ARSF: variants seen among roughly 807,000 people sequenced by gnomAD.
ARSF encodes the protein arylsulfatase F.
Under a neutral mutation model 35.4 loss-of-function variants are expected in ARSF, and 33 were observed. The observed-to-expected ratio is 0.93, with a 90% CI of 0.71 to 1.25. The LOEUF is 1.25. Ranked by LOEUF, ARSF falls within the 50% of genes most tolerant of loss-of-function variation. The pLI is 0.00. For missense variants in ARSF, 501 were observed against 480.2 expected, an observed-to-expected ratio of 1.04 and a Z score of -0.40; for synonymous variants, 222 against 193.1, an observed-to-expected ratio of 1.15 and a Z score of -1.24.
intron 7 of ARSF, among the ~76,000 whole-genome samples, chrX:3,098,252 A>G (rs891376509): frequency 4.5e-5 from 5 of 110,900 alleles, no homozygotes. Context: ...GGTGTGAGCC[A>G]TGATGCCCAG....
intron 1 of ARSF, among the ~76,000 whole-genome samples, chrX:3,061,050 G>A (rs990724541): frequency 3.6e-5 from 4 of 111,727 alleles, no homozygotes; most frequent in African/African-American, 1.3e-4. Flanking sequence ...GGCAGCCAGA[G>A]AGAAAGGTCG....
At chrX:3,096,818 C>T (rs1004406325) in intron 7 of ARSF, among the ~76,000 whole-genome samples, 3 of 84,256 alleles carry the variant, frequency 3.6e-5, no homozygotes, top group African/African-American at 1.3e-4. Flanking sequence ...GACTTACATC[C>T]CCCCAAAAAG....
At chrX:3,057,985 A>G (rs2090025765) in intron 1 of ARSF, among the ~76,000 whole-genome samples, 1 of 111,622 alleles carries the variant, frequency 9.0e-6, no homozygotes, top group African/African-American at 3.3e-5. Flanking sequence ...GCAAATCATG[A>G]CCTGTAATAG....
intron 3 of ARSF, among the ~76,000 whole-genome samples, chrX:3,073,838 C>T (rs1246742592): frequency 9.5e-6 from 1 of 105,236 alleles, no homozygotes; most frequent in Non-Finnish European, 2.0e-5. Flanking sequence ...ATTTGGTGAG[C>T]CAATAGATTC....
chrX:3,080,806 T>C, intron 4 of ARSF, 85 bp from the exon 5 acceptor site: 1 of 1,119,548 alleles, frequency 8.9e-7, no homozygotes, highest in East Asian at 3.1e-5. Flanking sequence ...CAGATGAGGA[T>C]TTCAATGTGC....
Position 3,110,224 on chromosome X carries a change from C to A in ARSF, c.1362C>A (p.His454Gln). The change falls in exon 10 of 11, where the codon CAC (histidine) becomes CAA (glutamine). Residue 454 changes from histidine (H) to glutamine (Q), a missense_variant. Coordinates refer to ENST00000381127, the MANE Select transcript of ARSF (RefSeq NM_001201539.2). ...TCCACTACTGTGGCTCCTACCTGCA[C>A]GCCGTGCGGTGGATCCCCAAGGACG... The part of the protein sequence containing the change: ...FLFHYCGSYL[H>Q]AVRWIPKDDS... 15 of 1,194,270 alleles carry A rather than the reference C, an allele frequency of 1.3e-5. No individual in the cohort carries two copies. Among genetic ancestry groups the A allele is most frequent in the Non-Finnish European group, 1.7e-5 (15 of 886,140 alleles).
intron 8 of ARSF, among the ~76,000 whole-genome samples, chrX:3,102,690 G>A (rs770026697): frequency 8.9e-6 from 1 of 111,853 alleles, no homozygotes; most frequent in East Asian, 2.8e-4. Flanking sequence ...TGAGGCAGGC[G>A]GATCACAAGG....
At chrX:3,078,098 C>T (rs2090167678) in intron 4 of ARSF, among the ~76,000 whole-genome samples, 1 of 109,977 alleles carries the variant, frequency 9.1e-6, no homozygotes, top group South Asian at 4.0e-4. Flanking sequence ...GCCACCGCAC[C>T]CGGCCATATA....
At chrX:3,084,763 T>G in intron 6 of ARSF, 97 bp downstream of exon 6, 1 of 837,559 alleles carries the variant, frequency 1.2e-6, no homozygotes, top group South Asian at 3.2e-5. Context: ...TTTATAATAA[T>G]CTATTGTACA....
intron 1 of ARSF, among the ~76,000 whole-genome samples, chrX:3,060,993 A>G (rs987910556): frequency 1.8e-5 from 2 of 111,197 alleles, no homozygotes; most frequent in African/African-American, 6.5e-5. Context: ...GAGAAGACAC[A>G]TAATTGTCAG....
At chrX:3,099,962 A>G (rs1307927278) in intron 7 of ARSF, among the ~76,000 whole-genome samples, 1 of 112,219 alleles carries the variant, frequency 8.9e-6, no homozygotes, top group Non-Finnish European at 1.9e-5. Flanking sequence ...TATCTGAGAT[A>G]ACCAACAGTA....
chrX:3,106,292 C>T lies in ARSF; in HGVS notation c.1265+2368C>T, dbSNP rs1042367406. ...CAGCTTCACGTACAGGTCGGCGTGC[C>T]GGGTACTACTCATCAGGTTGATTTT... On this transcript the variant is annotated intron_variant, in intron 9 of 10. Coordinates refer to ENST00000381127, the MANE Select transcript of ARSF (RefSeq NM_001201539.2). Among the ~76,000 whole-genome samples, 3 of 111,963 alleles carry T rather than the reference C, an allele frequency of 2.7e-5. 1 individual carries two copies. The highest frequency in any genetic ancestry group is 3.8e-5 in the Non-Finnish European group (2 of 53,198).
chrX:3,084,108 A>G (rs2090225954), intron 5 of ARSF, 135 bp from the exon 6 acceptor site: 2 of 780,119 alleles, frequency 2.6e-6, no homozygotes, highest in Non-Finnish European at 3.6e-6. Context: ...TTTTAGAGGA[A>G]GGAGAATATC....
intron 9 of ARSF, among the ~76,000 whole-genome samples, chrX:3,109,085 C>T (rs1010408865): frequency 1.8e-5 from 2 of 111,381 alleles, no homozygotes; most frequent in African/African-American, 3.3e-5. Context: ...TTTGAGAGGC[C>T]GAGGTGGGTG....
chrX:3,109,048 G>A (rs774406232), intron 9 of ARSF, among the ~76,000 whole-genome samples: 16 of 111,328 alleles, frequency 1.4e-4, no homozygotes, highest in African/African-American at 4.6e-4. Context: ...GGCTGGGCGC[G>A]GTGGCTCACG....
In ARSF at chrX:3,080,941, G is replaced by A. The variant is rs779174946; in HGVS notation, c.334G>A (p.Ala112Thr). ...RRVIQNLAVP[A>T]GLPLNETTLA... ...TGTCATCCAAAATCTTGCAGTCCCC[G>A]CAGGCCTCCCTCTTAATGAGACAAC... The change falls in exon 5 of 11, where the codon GCA (alanine) becomes ACA (threonine). Residue 112 changes from alanine (A) to threonine (T), a missense_variant. Transcript: ENST00000381127. The A allele has an allele frequency of 3.5e-5, 42 of 1,209,578 alleles. No homozygotes were observed. The highest frequency in any genetic ancestry group is 2.8e-4 in the South Asian group (16 of 56,752).
At chrX:3,080,431 A>C (rs1471300211) in intron 4 of ARSF, among the ~76,000 whole-genome samples, 1 of 107,307 alleles carries the variant, frequency 9.3e-6, no homozygotes, top group Admixed American at 1.0e-4. Flanking sequence ...CTGAGATGGC[A>C]CTGCTGCACT....
intron 1 of ARSF, among the ~76,000 whole-genome samples, chrX:3,059,727 C>T (rs961971777): frequency 8.9e-6 from 1 of 112,541 alleles, no homozygotes; most frequent in African/African-American, 3.2e-5. Flanking sequence ...AGCAGCCTGG[C>T]TGGGGGGGTG....
chrX:3,076,475 C>G (rs1321557439), intron 3 of ARSF, 73 bp from the exon 4 acceptor site: 1 of 1,087,102 alleles, frequency 9.2e-7, no homozygotes, highest in Admixed American at 2.7e-5. Flanking sequence ...GTCTTCCTCT[C>G]GCTCTTCCTC....
Sources: allele counts gnomAD v4.1 joint callset (sites outside exome capture counted in the v4.1 genomes callset), GRCh38; gene constraint gnomAD v4.1.1; transcripts MANE v1.5; gene names NCBI Gene and HGNC (gene_info 2026-07-23, HGNC 2026-07-21).